The following PHACTR2 variants were observed in gnomAD, a reference collection of about 807,000 sequenced individuals.
The protein encoded by PHACTR2 is phosphatase and actin regulator 2, also known as chromosome 6 open reading frame 56.
PHACTR2 carries 30 observed loss-of-function variants against 76.0 expected under a neutral mutation model. The observed-to-expected ratio is 0.39, with a 90% CI of 0.30 to 0.54. PHACTR2 has a LOEUF of 0.54. PHACTR2 is among the 20% of genes least tolerant of loss of function. The probability of loss-of-function intolerance (pLI) is 0.61; values close to 1 mark genes in which losing one functional copy is unlikely to be tolerated. For missense variants in PHACTR2, 696 were observed against 781.1 expected (o/e 0.89, Z 1.30); for synonymous variants, 292 against 292.5 (o/e 1.00, Z 0.02).
intron 12 of PHACTR2, among the ~76,000 whole-genome samples, chr6:143,814,247 T>G (rs117868497): frequency 0.016 from 2,480 of 152,208 alleles, 28 homozygotes; most frequent in Non-Finnish European, 0.023. Context: ...TCCCAGCTAC[T>G]TGGTAGGCTG....
Position 143,671,418 on chromosome 6 carries a change from G to A in PHACTR2, c.14-40598G>A, listed in dbSNP as rs994525016. Among the ~76,000 whole-genome samples, 1 of 152,078 alleles carries A rather than the reference G, an allele frequency of 6.6e-6. No homozygotes were observed. Among genetic ancestry groups the A allele is most frequent in the African/African-American group, 2.4e-5 (1 of 41,392 alleles). On this transcript the variant is annotated intron_variant, in intron 1 of 11. Transcript: ENST00000305766. The surrounding 1 kb of genome is among the most constrained non-coding windows in gnomAD (Gnocchi z 4.6). The stretch of plus-strand genomic sequence containing the variant: ...CACCTCTCCCCCAGATAGCCATATG[G>A]TTAACTCCATTACCTCCTTTGTGTT...
intron 6 of PHACTR2, among the ~76,000 whole-genome samples, chr6:143,771,977 G>A (rs1024365863): frequency 2.6e-5 from 4 of 152,326 alleles, no homozygotes; most frequent in East Asian, 1.9e-4. Context: ...AGCTGAGGCT[G>A]TAGCTGACAC....
upstream of PHACTR2, among the ~76,000 whole-genome samples, chr6:143,677,282 G>C (rs1369078266): frequency 6.8e-6 from 1 of 146,426 alleles, no homozygotes; most frequent in Non-Finnish European, 1.5e-5. Flanking sequence ...TAAATATGAA[G>C]AATATTTATT....
chr6:143,764,938 C>T lies in PHACTR2; in HGVS notation c.695-323C>T, dbSNP rs78804595. Among the ~76,000 whole-genome samples the T allele has an allele frequency of 2.4e-3, 371 of 152,230 alleles. No individual in the cohort carries two copies. Among genetic ancestry groups the T allele is most frequent in the Admixed American group, 5.8e-3 (89 of 15,292 alleles). On this transcript the variant is annotated intron_variant, in intron 5 of 12. Coordinates refer to ENST00000440869, the MANE Select transcript of PHACTR2 (RefSeq NM_001100164.2). The surrounding 1 kb of genome is among the most constrained non-coding windows in gnomAD (Gnocchi z 4.7). ...CATAACATTCCTTCTTGAGAGCATA[C>T]CGGGCTTTTTTCAAGTGAACCATAG...
Position 143,652,761 on chromosome 6 carries a change from C to T in PHACTR2, c.13+44439C>T, listed in dbSNP as rs1050363504. Among the ~76,000 whole-genome samples, 3 of 152,182 alleles carry T rather than the reference C, an allele frequency of 2.0e-5. No individual in the cohort carries two copies. The highest frequency in any genetic ancestry group is 4.8e-5 in the African/African-American group (2 of 41,436). On this transcript the variant is annotated intron_variant, in intron 1 of 11. Coordinates refer to the PHACTR2 transcript ENST00000305766. This position sits in a 1 kb window ranked among gnomAD's most constrained non-coding sequence, Gnocchi z 4.5. ...GGGCTGAAATAAGGCGGAATGCCCA[C>T]CTGGAGATAAGTCTTGGCTGTCACA...
intron 1 of PHACTR2, among the ~76,000 whole-genome samples, chr6:143,687,473 C>A (rs1214219768): frequency 6.6e-6 from 1 of 152,098 alleles, no homozygotes; most frequent in African/African-American, 2.4e-5. Flanking sequence ...AGTGAAGACT[C>A]AACTGATGCA....
intron 2 of PHACTR2, among the ~76,000 whole-genome samples, chr6:143,725,115 A>C (rs1223397258): frequency 6.6e-6 from 1 of 150,920 alleles, no homozygotes; most frequent in African/African-American, 2.4e-5. Flanking sequence ...TAAGAATTTT[A>C]ATATACGTAT....
At chr6:143,768,009 T>G (rs148577918) in intron 6 of PHACTR2, among the ~76,000 whole-genome samples, 3,540 of 152,094 alleles carry the variant, frequency 0.023, 144 homozygotes, top group African/African-American at 0.081. Context: ...GGCTAATTTT[T>G]GTATTTTTAG....
At chr6:143,579,186 G>A (rs1170502427) in intron 1 of PHACTR2, among the ~76,000 whole-genome samples, 3 of 152,204 alleles carry the variant, frequency 2.0e-5, no homozygotes, top group African/African-American at 7.2e-5. Flanking sequence ...TTACAGGCAT[G>A]AGCCACTGTG....
chr6:143,830,256 C>T lies in PHACTR2; in HGVS notation c.*6567C>T, dbSNP rs1486217645. On this transcript the variant is annotated 3_prime_UTR_variant, in exon 13 of 13. Coordinates refer to ENST00000440869, the MANE Select transcript of PHACTR2 (RefSeq NM_001100164.2). ...TACACCAATTTCACCAGATTTAGGACCTATTAAAAATTCAAACAAGTTTCT... is the reference window on the plus strand; with the variant it reads ...TACACCAATTTCACCAGATTTAGGATCTATTAAAAATTCAAACAAGTTTCT... 10 of 151,028 alleles carry T rather than the reference C, an allele frequency of 6.6e-5. No homozygotes were observed. In the South Asian group the frequency reaches 2.1e-3, roughly 32 times the overall value. The allele number at this position is 151,028 out of a possible 1,614,324, so 9.4% of individuals were successfully genotyped here. A position where few individuals can be genotyped will look rare whatever the true frequency, so the allele number is the denominator to read the frequency against.
rs1775757402 is a variant in PHACTR2, at chr6:143,596,416, T to C, written c.217+59209T>C. ...ATTAAGAGAGAGACACTCTTACTTA[T>C]ATTTGTATCCCCAGATTGTTAGCAG... is the stretch of plus-strand genomic sequence containing the variant. On this transcript the variant is annotated intron_variant, in intron 1 of 11. Coordinates refer to the PHACTR2 transcript ENST00000367584. This position sits in a 1 kb window ranked among gnomAD's most constrained non-coding sequence, Gnocchi z 4.6. Among the ~76,000 whole-genome samples, 1 of 152,204 alleles carries C rather than the reference T, an allele frequency of 6.6e-6. No individual in the cohort carries two copies. Among genetic ancestry groups the C allele is most frequent in the African/African-American group, 2.4e-5 (1 of 41,446 alleles).
rs1020872142 is a variant in PHACTR2, at chr6:143,553,818, G to T, written c.217+16611G>T. Among the ~76,000 whole-genome samples the T allele has an allele frequency of 6.6e-6, 1 of 152,182 alleles. No individual in the cohort carries two copies. Among genetic ancestry groups the T allele is most frequent in the Non-Finnish European group, 1.5e-5 (1 of 68,030 alleles). On this transcript the variant is annotated intron_variant, in intron 1 of 11. Coordinates refer to the PHACTR2 transcript ENST00000367584. This position sits in a 1 kb window ranked among gnomAD's most constrained non-coding sequence, Gnocchi z 4.2. ...GATTACAAAGCAGAGGAAGGGTATAGGTCGTGCCGGGGTGAAGGTGTGCAG... is the reference window on the plus strand; with the variant it reads ...GATTACAAAGCAGAGGAAGGGTATATGTCGTGCCGGGGTGAAGGTGTGCAG...
At chr6:143,544,541 A>G (rs1031482720) in intron 1 of PHACTR2, among the ~76,000 whole-genome samples, 3 of 152,198 alleles carry the variant, frequency 2.0e-5, no homozygotes, top group African/African-American at 7.2e-5. Flanking sequence ...ACAGTAACAC[A>G]TAGCTCATAG....
At position 143,549,095 on chromosome 6, in the gene PHACTR2, C is replaced by T. The variant is rs144454455; in HGVS notation, c.217+11888C>T. 1.3e-5 allele frequency among the ~76,000 whole-genome samples: 2 copies of T among 152,026 alleles called. No homozygotes were observed. Among genetic ancestry groups the T allele is most frequent in the African/African-American group, 4.8e-5 (2 of 41,492 alleles). On this transcript the variant is annotated intron_variant, in intron 1 of 11. Coordinates refer to the PHACTR2 transcript ENST00000367584. This position sits in a 1 kb window ranked among gnomAD's most constrained non-coding sequence, Gnocchi z 4.2. ...ACATGGTGCCTGATCTCCTCCCCAG[C>T]GAACATGCCAGTCTGTAGGGTGCAC...
chr6:143,638,562 T>C (rs925509123), intron 1 of PHACTR2, among the ~76,000 whole-genome samples: 4 of 98,492 alleles, frequency 4.1e-5, no homozygotes, highest in African/African-American at 1.4e-4. Flanking sequence ...AAAAAAGTAT[T>C]ACACACACAC....
rs1173568428 is a variant in PHACTR2 at position 143,623,241 on chromosome 6, A to C, written c.13+14919A>C. ...ATTACCTTCCCTAGAAAAAGAAATT[A>C]TTTTCAAACTCCTAAAATGTATTAG... On this transcript the variant is annotated intron_variant, in intron 1 of 11. Transcript: ENST00000305766. This position sits in a 1 kb window ranked among gnomAD's most constrained non-coding sequence, Gnocchi z 5.9. Among the ~76,000 whole-genome samples the C allele has an allele frequency of 6.6e-6, 1 of 152,178 alleles. No individual in the cohort carries two copies. Among genetic ancestry groups the C allele is most frequent in the Non-Finnish European group, 1.5e-5 (1 of 68,018 alleles).
intron 1 of PHACTR2, among the ~76,000 whole-genome samples, chr6:143,702,025 A>G (rs1479938773): frequency 6.6e-6 from 1 of 151,328 alleles, no homozygotes; most frequent in African/African-American, 2.4e-5. Flanking sequence ...CTAGGCTCCA[A>G]CTCTCTTCTT....
At chr6:143,587,999 T>C (rs1775647589) in intron 1 of PHACTR2, among the ~76,000 whole-genome samples, 1 of 103,146 alleles carries the variant, frequency 9.7e-6, no homozygotes, top group East Asian at 2.0e-4. Context: ...GCAACAAGAG[T>C]GAAACTCTGT....
chr6:143,821,452 C>T lies in PHACTR2; in HGVS notation c.1923-2222C>T, dbSNP rs915691090. ...ACGTTTAGTAAGTACTATCACGTGC[C>T]GGAGATTGTATTCAATGAGTATGTA... is the stretch of plus-strand genomic sequence containing the variant. On this transcript the variant is annotated intron_variant, in intron 12 of 12. Coordinates refer to ENST00000440869, the MANE Select transcript of PHACTR2 (RefSeq NM_001100164.2). This position sits in a 1 kb window ranked among gnomAD's most constrained non-coding sequence, Gnocchi z 5.2. Among the ~76,000 whole-genome samples the T allele has an allele frequency of 3.9e-5, 6 of 152,264 alleles. No individual in the cohort carries two copies. The highest frequency in any genetic ancestry group is 2.1e-4 in the South Asian group (1 of 4,822).
Sources: allele counts gnomAD v4.1 joint callset (sites outside exome capture counted in the v4.1 genomes callset), GRCh38; gene constraint gnomAD v4.1.1; non-coding constraint Gnocchi (gnomAD v3.1); transcripts MANE v1.5; gene names NCBI Gene and HGNC (gene_info 2026-07-23, HGNC 2026-07-21).